The following TMEM164 variants were observed in gnomAD, a reference collection of about 807,000 sequenced individuals.
The protein encoded by TMEM164 is transmembrane protein 164, also known as RP13-360B22.2.
TMEM164 carries 4 observed loss-of-function variants against 18.8 expected under a neutral mutation model. That is an observed-to-expected ratio of 0.21 (90% CI 0.10 to 0.49). The LOEUF (loss-of-function observed/expected upper bound fraction) is 0.49, where lower values mean the gene tolerates loss of function less well. Ranked by LOEUF, TMEM164 falls within the 20% of genes least tolerant of loss-of-function variation. The pLI, the probability that TMEM164 is intolerant of heterozygous loss-of-function variation, is 0.98. For missense variants in TMEM164, 108 were observed against 239.9 expected, an observed-to-expected ratio of 0.45 and a Z score of 3.63; for synonymous variants, 86 against 101.7, an observed-to-expected ratio of 0.85 and a Z score of 0.93.
At chrX:110,169,748 G>A (rs1485191004) in intron 5 of TMEM164, among the ~76,000 whole-genome samples, 2 of 111,815 alleles carry the variant, frequency 1.8e-5, no homozygotes, top group Non-Finnish European at 1.9e-5. Context: ...CATATATATT[G>A]GCTTCTCTTG....
At chrX:110,037,990 T>C in intron 2 of TMEM164, among the ~76,000 whole-genome samples, 1 of 92,732 alleles carries the variant, frequency 1.1e-5, no homozygotes, top group East Asian at 3.2e-4. Flanking sequence ...ACTCATTTTT[T>C]TTTTTTTTTT....
chrX:110,019,651 G>A (rs377288428), intron 2 of TMEM164, among the ~76,000 whole-genome samples: 2 of 112,044 alleles, frequency 1.8e-5, no homozygotes, highest in Non-Finnish European at 3.8e-5. Context: ...GTCCCTGGCC[G>A]ACTGTGCTAA....
chrX:110,092,371 C>G (rs2065943631), intron 3 of TMEM164, among the ~76,000 whole-genome samples: 1 of 111,656 alleles, frequency 9.0e-6, no homozygotes, highest in Non-Finnish European at 1.9e-5. Context: ...TGTTTGTATC[C>G]TCTTTTATTT....
intron 4 of TMEM164, among the ~76,000 whole-genome samples, chrX:110,115,411 C>T (rs750027711): frequency 1.3e-4 from 14 of 111,910 alleles, no homozygotes; most frequent in Non-Finnish European, 2.6e-4. Context: ...CACAATAGTG[C>T]CTCAACCTTC....
intron 3 of TMEM164, among the ~76,000 whole-genome samples, chrX:110,108,654 A>G (rs1008641138): frequency 1.3e-4 from 15 of 111,943 alleles, no homozygotes; most frequent in Non-Finnish European, 1.9e-5. Flanking sequence ...AGGATTATAC[A>G]TGACAGTGTA....
chrX:110,008,768 T>C (rs1932880306), intron 2 of TMEM164, among the ~76,000 whole-genome samples: 1 of 111,475 alleles, frequency 9.0e-6, no homozygotes, highest in Non-Finnish European at 1.9e-5. Context: ...TATCTCAGTC[T>C]TCTCTGTGAA....
At chrX:110,109,622 C>G (rs1271057913) in intron 4 of TMEM164, among the ~76,000 whole-genome samples, 1 of 112,486 alleles carries the variant, frequency 8.9e-6, no homozygotes, top group Non-Finnish European at 1.9e-5. Context: ...AAGGGGCTCT[C>G]GTTAGATTCA....
chrX:110,135,236 C>T (rs1265439031), intron 4 of TMEM164, among the ~76,000 whole-genome samples: 3 of 106,749 alleles, frequency 2.8e-5, no homozygotes, highest in Admixed American at 2.0e-4. Flanking sequence ...TCCTTTTCTT[C>T]TAAAAAAAAA....
chrX:110,109,207 C>T (rs2066256878), intron 4 of TMEM164, 61 bp downstream of exon 4: 1 of 1,076,597 alleles, frequency 9.3e-7, no homozygotes, highest in South Asian at 1.9e-5. Context: ...CCTATATGCC[C>T]ATGTGATTTT....
intron 3 of TMEM164, among the ~76,000 whole-genome samples, chrX:110,100,377 A>C (rs752034064): frequency 3.9e-4 from 43 of 111,130 alleles, no homozygotes; most frequent in Non-Finnish European, 7.5e-4. Context: ...TACTATTCCT[A>C]GTTTGATGAT....
intron 2 of TMEM164, among the ~76,000 whole-genome samples, chrX:110,008,866 T>C (rs1932883335): frequency 8.9e-6 from 1 of 112,037 alleles, no homozygotes; most frequent in Non-Finnish European, 1.9e-5. Flanking sequence ...TGGTCAAAGA[T>C]GGCAGATGAC....
At chrX:110,055,422 T>C in intron 2 of TMEM164, 1 of 232,864 alleles carries the variant, frequency 4.3e-6, no homozygotes. Context: ...GTGCACAACC[T>C]ACACAACTGT....
At chrX:110,089,051 G>A (rs973663734) in intron 3 of TMEM164, among the ~76,000 whole-genome samples, 3 of 111,604 alleles carry the variant, frequency 2.7e-5, no homozygotes, top group South Asian at 7.4e-4. Context: ...AAAGCAGTAC[G>A]GCATAATAAG....
intron 4 of TMEM164, among the ~76,000 whole-genome samples, chrX:110,123,955 T>C (rs911113956): frequency 7.2e-5 from 8 of 111,203 alleles, no homozygotes; most frequent in South Asian, 3.7e-4. Context: ...TACCAAAATT[T>C]TTTTTAAAAA....
At chrX:110,166,367 ACCATCTTTGCCT>A (rs752431785) in intron 5 of TMEM164, among the ~76,000 whole-genome samples, 1 of 112,549 alleles carries the variant, frequency 8.9e-6, no homozygotes, top group Non-Finnish European at 1.9e-5. Flanking sequence ...AGTGGGGACC[ACCATCTTTGCCT>A]CCTTCTTTCC....
At chrX:110,181,961 G>A (rs936692628), downstream of TMEM164, among the ~76,000 whole-genome samples, 4 of 112,141 alleles carry the variant, frequency 3.6e-5, no homozygotes, top group African/African-American at 1.3e-4. Flanking sequence ...TGGTGTGTAT[G>A]TGAGTGGGTG....
chrX:110,083,066 A>AT (rs970117890), intron 3 of TMEM164, among the ~76,000 whole-genome samples: 12 of 111,337 alleles, frequency 1.1e-4, no homozygotes, highest in Admixed American at 7.7e-4. Context: ...TTTGGTTTAC[A>AT]TTTTTATTGG....
intron 4 of TMEM164, among the ~76,000 whole-genome samples, chrX:110,125,424 G>A (rs956643131): frequency 1.8e-5 from 2 of 111,953 alleles, no homozygotes; most frequent in South Asian, 3.7e-4. Flanking sequence ...AGATGATGGC[G>A]TCCTGGTAAT....
intron 3 of TMEM164, among the ~76,000 whole-genome samples, chrX:110,082,741 C>T (rs2065778151): frequency 1.8e-5 from 2 of 111,063 alleles, no homozygotes; most frequent in Admixed American, 9.7e-5. Context: ...CCCAACACAT[C>T]TCACATCTCA....
Sources: allele counts gnomAD v4.1 joint callset (sites outside exome capture counted in the v4.1 genomes callset), GRCh38; gene constraint gnomAD v4.1.1; transcripts MANE v1.5; gene names NCBI Gene and HGNC (gene_info 2026-07-23, HGNC 2026-07-21).